KAZN: variants seen among roughly 807,000 people sequenced by gnomAD.
KAZN encodes kazrin.
KAZN carries 40 observed loss-of-function variants against 87.4 expected under a neutral mutation model. The ratio of observed to expected loss-of-function variants is 0.46; its 90% CI spans 0.36 to 0.60. The LOEUF is 0.60. KAZN is among the 20% of genes least tolerant of loss of function. The pLI is 0.00. For synonymous variants in KAZN, 466 were observed against 458.3 expected (o/e 1.02, Z -0.22); for missense variants, 898 against 1,073.9 (o/e 0.84, Z 2.29).
chr1:15,048,599 C>T lies in KAZN; in HGVS notation c.726+4440C>T, dbSNP rs1240045043. Among the ~76,000 whole-genome samples the T allele has an allele frequency of 4.5e-3, 562 of 123,846 alleles. 5 individuals carry two copies. Among genetic ancestry groups the T allele is most frequent in the East Asian group, 0.044 (171 of 3,894 alleles). 81.2% of individuals were successfully genotyped at this position (123,846 alleles called of 152,430 possible). ...TCCTTGGTCGTTGGTCCTGGGTCGTCGGTCCTGGGTCGCTGGTCCTGGGTC... is the reference window on the plus strand; with the variant it reads ...TCCTTGGTCGTTGGTCCTGGGTCGTTGGTCCTGGGTCGCTGGTCCTGGGTC... On this transcript the variant is annotated intron_variant, in intron 4 of 14. Transcript: ENST00000376030.
chr1:14,265,742 A>T (rs889892377), intron 2 of KAZN, among the ~76,000 whole-genome samples: 4 of 152,222 alleles, frequency 2.6e-5, no homozygotes, highest in African/African-American at 9.6e-5. Context: ...TTCATCAAAG[A>T]TGACATCATG....
intron 2 of KAZN, among the ~76,000 whole-genome samples, chr1:14,362,640 A>C (rs1005889133): frequency 6.6e-6 from 1 of 152,188 alleles, no homozygotes; most frequent in African/African-American, 2.4e-5. Context: ...GCATTGCTCC[A>C]GGCTCTTTAT....
At chr1:14,911,824 C>T (rs937318889) in intron 1 of KAZN, among the ~76,000 whole-genome samples, 21 of 152,054 alleles carry the variant, frequency 1.4e-4, no homozygotes, top group Admixed American at 9.8e-4. Context: ...TATCTAAGAC[C>T]CTAATTTATA....
intron 1 of KAZN, among the ~76,000 whole-genome samples, chr1:13,931,941 G>T (rs534476503): frequency 6.6e-6 from 1 of 151,446 alleles, no homozygotes; most frequent in African/African-American, 2.4e-5. Context: ...TGGTTCAAGC[G>T]ATTCTCCTGC....
intron 2 of KAZN, among the ~76,000 whole-genome samples, chr1:14,187,412 T>C (rs1371267336): frequency 6.6e-6 from 1 of 152,190 alleles, no homozygotes; most frequent in Non-Finnish European, 1.5e-5. Context: ...TTTACAAAAG[T>C]ATTTAAATAG....
chr1:14,133,375 AAAAAAGAAAGAAAGAAAGAAAG>A lies in KAZN; in HGVS notation c.92-47056_92-47035del, dbSNP rs1349315105. The stretch of plus-strand genomic sequence containing the variant: ...AGTGAGACTCCCTCTCAAAAAAAAA[AAAAAAGAAAGAAAGAAAGAAAG>A]AAAGAAAGAAAGAAAGAAAGAAAGA... On this transcript the variant is annotated intron_variant, in intron 1 of 16. Transcript: ENST00000636203. 2.9e-3 allele frequency among the ~76,000 whole-genome samples: 239 copies of A among 82,894 alleles called. 18 individuals are homozygous for A. The highest frequency in any genetic ancestry group is 0.013 in the African/African-American group (210 of 16,530). The allele number at this position is 82,894 out of a possible 152,430, so 54.4% of individuals were successfully genotyped here. A position where few individuals can be genotyped will look rare whatever the true frequency, so the allele number is the denominator to read the frequency against.
At chr1:14,894,917 A>C (rs1232494460) in intron 1 of KAZN, among the ~76,000 whole-genome samples, 1 of 152,266 alleles carries the variant, frequency 6.6e-6, no homozygotes, top group Non-Finnish European at 1.5e-5. Context: ...CGGTCCAGCC[A>C]GCCTCATGAC....
At chr1:14,432,364 C>A (rs866869680) in intron 2 of KAZN, among the ~76,000 whole-genome samples, 1 of 152,032 alleles carries the variant, frequency 6.6e-6, no homozygotes, top group Non-Finnish European at 1.5e-5. Flanking sequence ...CAACAAGAAA[C>A]GTCAGTTTAA....
chr1:14,388,970 A>C (rs557517099), intron 2 of KAZN, among the ~76,000 whole-genome samples: 1 of 152,354 alleles, frequency 6.6e-6, no homozygotes, highest in African/African-American at 2.4e-5. Context: ...ATTAATAAGC[A>C]GATTATATAA....
chr1:14,825,055 C>T (rs1375543851), intron 1 of KAZN, among the ~76,000 whole-genome samples: 2 of 152,242 alleles, frequency 1.3e-5, no homozygotes, highest in Non-Finnish European at 2.9e-5. Context: ...TTGCTGAAGC[C>T]GGGGGTTCAC....
chr1:15,066,413 C>G lies in KAZN; in HGVS notation c.1222+660C>G. On this transcript the variant is annotated intron_variant, in intron 8 of 14. Coordinates refer to ENST00000376030, the MANE Select transcript of KAZN (RefSeq NM_201628.3). This position sits in a 1 kb window ranked among gnomAD's most constrained non-coding sequence, Gnocchi z 4.3. The stretch of plus-strand genomic sequence containing the variant: ...CCCAAGTCACTTTAACCACAAAACG[C>G]CATCGTCGTCAGGGTAAGCTCTGCT... The G allele has an allele frequency of 1.0e-6, 1 of 984,960 alleles. No individual in the cohort carries two copies. Among genetic ancestry groups the G allele is most frequent in the Non-Finnish European group, 1.2e-6 (1 of 829,898 alleles). 61.0% of individuals were successfully genotyped at this position (984,960 alleles called of 1,614,324 possible).
intron 1 of KAZN, among the ~76,000 whole-genome samples, chr1:14,099,702 A>C (rs1272950055): frequency 6.6e-6 from 1 of 152,158 alleles, no homozygotes; most frequent in Non-Finnish European, 1.5e-5. Flanking sequence ...CCAAAGCTAA[A>C]ATGCAGACAC....
In KAZN at chr1:14,824,324, A is replaced by T. The variant is rs565193090; in HGVS notation, c.227-136360A>T. On this transcript the variant is annotated intron_variant, in intron 1 of 14. Transcript: ENST00000376030. ...GAAGAGTGAACCAGCAGGGCAGGAG[A>T]CCCTTGGGTTAGAACTTCCATGAAC... Among the ~76,000 whole-genome samples the T allele has an allele frequency of 2.6e-5, 4 of 152,192 alleles. No homozygotes were observed. The East Asian group carries it at 7.7e-4, about 29-fold the overall frequency.
chr1:14,082,813 A>G (rs1340461618), intron 1 of KAZN, among the ~76,000 whole-genome samples: 2 of 152,306 alleles, frequency 1.3e-5, no homozygotes, highest in East Asian at 3.9e-4. Flanking sequence ...GTCAAGGCAG[A>G]TTGGTCTCAC....
intron 1 of KAZN, among the ~76,000 whole-genome samples, chr1:14,007,924 T>G (rs928413828): frequency 2.0e-5 from 3 of 152,190 alleles, no homozygotes; most frequent in Non-Finnish European, 4.4e-5. Context: ...CAATGATCCC[T>G]GTGCTGTTGG....
chr1:14,383,093 G>A (rs1661520620), intron 2 of KAZN, among the ~76,000 whole-genome samples: 1 of 151,554 alleles, frequency 6.6e-6, no homozygotes, highest in South Asian at 2.1e-4. Context: ...TGTTTCATGT[G>A]TTTTTTGGCT....
At chr1:14,908,414 G>C (rs571174247) in intron 1 of KAZN, among the ~76,000 whole-genome samples, 1 of 150,316 alleles carries the variant, frequency 6.7e-6, no homozygotes, top group African/African-American at 2.4e-5. Flanking sequence ...TAGTGGCAGG[G>C]GCCTGTAATC....
At position 14,599,541 on chromosome 1, in the gene KAZN, G is replaced by C. The variant is rs1028547243; in HGVS notation, c.226+318G>C. On this transcript the variant is annotated intron_variant, in intron 1 of 14. Transcript: ENST00000376030. This position sits in a 1 kb window ranked among gnomAD's most constrained non-coding sequence, Gnocchi z 4.4. The stretch of plus-strand genomic sequence containing the variant: ...TCCGTGGCACCAGCCCCCTAGCTCC[G>C]TGCAAACTTTTCATGCCGGGGCCTT... Among the ~76,000 whole-genome samples the C allele has an allele frequency of 7.9e-5, 12 of 152,134 alleles. No individual in the cohort carries two copies. Among genetic ancestry groups the C allele is most frequent in the Non-Finnish European group, 1.8e-4 (12 of 68,022 alleles).
chr1:14,555,798 T>G (rs74324692), intron 2 of KAZN, among the ~76,000 whole-genome samples: 1,948 of 152,330 alleles, frequency 0.013, 33 homozygotes, highest in South Asian at 0.085. Flanking sequence ...TGCCCATCAG[T>G]GTTTGCTGAC....
Sources: allele counts gnomAD v4.1 joint callset (sites outside exome capture counted in the v4.1 genomes callset), GRCh38; gene constraint gnomAD v4.1.1; non-coding constraint Gnocchi (gnomAD v3.1); transcripts MANE v1.5; gene names NCBI Gene and HGNC (gene_info 2026-07-23, HGNC 2026-07-21).